The following ITPR3 variants were observed in gnomAD, a reference collection of about 807,000 sequenced individuals.
ITPR3 encodes the protein inositol 1,4,5-trisphosphate-gated calcium channel ITPR3.
In ITPR3, 173 loss-of-function variants were observed where a neutral mutation model predicts 293.2. That is an observed-to-expected ratio of 0.59 (90% CI 0.52 to 0.67). The LOEUF (loss-of-function observed/expected upper bound fraction) is 0.67. Ranked by LOEUF, ITPR3 falls within the 30% of genes least tolerant of loss-of-function variation. ITPR3 has a pLI of 0.00. For synonymous variants in ITPR3, 1,295 were observed against 1,444.4 expected, an observed-to-expected ratio of 0.90 and a Z score of 2.35; for missense variants, 2,796 against 3,592.1, an observed-to-expected ratio of 0.78 and a Z score of 5.66.
chr6:33,636,227 T>C (rs1219572418), intron 1 of ITPR3, among the ~76,000 whole-genome samples: 4 of 151,114 alleles, frequency 2.6e-5, no homozygotes, highest in Admixed American at 1.3e-4. Context: ...GCTTGAACCT[T>C]GGAGGCAGAG....
chr6:33,650,965 G>T (rs1457627291), intron 2 of ITPR3, among the ~76,000 whole-genome samples: 2 of 152,042 alleles, frequency 1.3e-5, no homozygotes, highest in Non-Finnish European at 2.9e-5. Context: ...GCATATACTG[G>T]TTATTGCATT....
chr6:33,684,526 G>A lies in ITPR3; in HGVS notation c.5046+61G>A. The A allele has an allele frequency of 6.2e-7, 1 of 1,605,994 alleles. No homozygotes were observed. Among genetic ancestry groups the A allele is most frequent in the Non-Finnish European group, 8.5e-7 (1 of 1,172,730 alleles). Reference sequence around the variant, plus strand: ...AGTCAGGAGTACCCAGGGGCTCAGGGTCAAGCCCGTCAGGCCAGTGGTCAG... The same window carrying A: ...AGTCAGGAGTACCCAGGGGCTCAGGATCAAGCCCGTCAGGCCAGTGGTCAG... On this transcript the variant is annotated intron_variant, in intron 37 of 57. Coordinates refer to ENST00000605930, the MANE Select transcript of ITPR3 (RefSeq NM_002224.4). The surrounding 1 kb of genome is among the most constrained non-coding windows in gnomAD (Gnocchi z 4.2).
intron 1 of ITPR3, among the ~76,000 whole-genome samples, chr6:33,636,904 CAG>C (rs767836160): frequency 6.6e-6 from 1 of 152,112 alleles, no homozygotes; most frequent in African/African-American, 2.4e-5. Flanking sequence ...GAAAAGGAGA[CAG>C]AGGACCCTCT....
In ITPR3 at chr6:33,679,098, A is replaced by G. The variant is rs1764996468; in HGVS notation, c.3972+259A>G. ...AACTCAGACAACAGGCCAGAAAGAA[A>G]TCAAGCATGCATTCCTTGTCACTTG... On this transcript the variant is annotated intron_variant, in intron 30 of 57. Transcript: ENST00000605930. The surrounding 1 kb of genome is among the most constrained non-coding windows in gnomAD (Gnocchi z 4.2). Among the ~76,000 whole-genome samples the G allele has an allele frequency of 6.6e-6, 1 of 152,220 alleles. No individual in the cohort carries two copies. The highest frequency in any genetic ancestry group is 1.5e-5 in the Non-Finnish European group (1 of 68,042).
rs760552656 is a variant in ITPR3, at chr6:33,662,905, C to T, written c.859-6C>T. 2.5e-6 allele frequency: 4 copies of T among 1,584,404 alleles called. No individual in the cohort carries two copies. The South Asian group carries it at 3.4e-5, about 14-fold the overall frequency. ...TCCTTCCTGCCTCACACCTGTGTGC[C>T]CCTAGGTGGTCCACCACGACCCCTG... On this transcript the variant is annotated splice_polypyrimidine_tract_variant and splice_region_variant and intron_variant, in intron 8 of 57. Coordinates refer to ENST00000605930, the MANE Select transcript of ITPR3 (RefSeq NM_002224.4).
rs1764995378 is a variant in ITPR3, at chr6:33,679,029, G to C, written c.3972+190G>C. 6.6e-6 allele frequency among the ~76,000 whole-genome samples: 1 copy of C among 152,346 alleles called. No individual in the cohort carries two copies. The highest frequency in any genetic ancestry group is 2.4e-5 in the African/African-American group (1 of 41,580). ...GTGGTAGAACTCAGCCTGTGGGCCT[G>C]ATAGAACTCAAGCAGGGTCCCAGTA... On this transcript the variant is annotated intron_variant, in intron 30 of 57. Transcript: ENST00000605930. The surrounding 1 kb of genome is among the most constrained non-coding windows in gnomAD (Gnocchi z 4.2).
chr6:33,668,499 G>A lies in ITPR3; in HGVS notation c.1887-16G>A, dbSNP rs1019355433. ...CTCTGAGACCCTCTTCCCACCGCTG[G>A]CTGTCACCACCCCAGGTTCCTGGAC... is the stretch of plus-strand genomic sequence containing the variant. On this transcript the variant is annotated splice_polypyrimidine_tract_variant and intron_variant, in intron 16 of 57. Coordinates refer to ENST00000605930, the MANE Select transcript of ITPR3 (RefSeq NM_002224.4). 1 of 1,614,084 alleles carries A rather than the reference G, an allele frequency of 6.2e-7. No individual in the cohort carries two copies. The highest frequency in any genetic ancestry group is 8.5e-7 in the Non-Finnish European group (1 of 1,179,976).
chr6:33,663,255 CCCGT>C (rs1764521528), intron 9 of ITPR3, among the ~76,000 whole-genome samples: 1 of 150,064 alleles, frequency 6.7e-6, no homozygotes, highest in African/African-American at 2.5e-5. Context: ...AGCAAAATTT[CCCGT>C]CTGTCTGTAA....
intron 49 of ITPR3, 145 bp downstream of exon 49, chr6:33,688,926 C>G: frequency 8.7e-7 from 1 of 1,149,726 alleles, no homozygotes. Context: ...CCTGTGGGCT[C>G]TCGCCCCATC....
chr6:33,695,553 C>G (rs149064207), intron 57 of ITPR3, 159 bp from the exon 58 acceptor site: 1 of 676,078 alleles, frequency 1.5e-6, no homozygotes, highest in African/African-American at 1.8e-5. Context: ...GTGCTGACAT[C>G]GACATCCTTA....
At chr6:33,669,988 C>T (rs1764713076) in intron 18 of ITPR3, among the ~76,000 whole-genome samples, 2 of 152,042 alleles carry the variant, frequency 1.3e-5, no homozygotes, top group South Asian at 4.1e-4. Context: ...ACCTCCCCCT[C>T]CTCCCTCTCC....
In ITPR3 at chr6:33,684,145, C is replaced by A. The variant is rs150256313; in HGVS notation, c.4914C>A (p.Cys1638Ter). 2.1e-5 allele frequency: 34 copies of A among 1,610,680 alleles called. No individual in the cohort carries two copies. Among genetic ancestry groups the A allele is most frequent in the Non-Finnish European group, 2.8e-5 (33 of 1,179,796 alleles). Reference sequence around the variant, plus strand: ...AGGGCAGTGAGGCCTACCAGCGCTGCGAGAGTGGGGGCTTCCTGTCCAAGT... The same window carrying A: ...AGGGCAGTGAGGCCTACCAGCGCTGAGAGAGTGGGGGCTTCCTGTCCAAGT... ...FLEGSEAYQR[C>*]ESGGFLSKLI... The change falls in exon 36 of 58, where the codon TGC becomes TGA. Residue 1638 changes from cysteine (C) to a stop codon, truncating the protein, a stop_gained. Transcript: ENST00000605930. LOFTEE classifies it high-confidence loss of function. This position sits in a 1 kb window ranked among gnomAD's most constrained non-coding sequence, Gnocchi z 4.2.
At position 33,692,682 on chromosome 6, in the gene ITPR3, A is replaced by G; in HGVS notation, c.7459-46A>G. 6.3e-7 allele frequency: 1 copy of G among 1,595,070 alleles called. No individual in the cohort carries two copies. The highest frequency in any genetic ancestry group is 1.1e-5 in the South Asian group (1 of 89,568). The stretch of plus-strand genomic sequence containing the variant: ...ACCTGAGTCCTATCTTGCCCCAGTG[A>G]ATGTGGGGACCACCGGGCCCAGCCT... On this transcript the variant is annotated intron_variant, in intron 54 of 57. Coordinates refer to ENST00000605930, the MANE Select transcript of ITPR3 (RefSeq NM_002224.4). This position sits in a 1 kb window ranked among gnomAD's most constrained non-coding sequence, Gnocchi z 4.2.
In ITPR3 at chr6:33,670,682, A is replaced by G. The variant is rs139257621; in HGVS notation, c.2453A>G (p.Asn818Ser). ...TAITIKDYDS[N>S]LNASRDDKKN... ...GCCTCCACCCTCAGCTATGATTCCA[A>G]CCTCAACGCGTCCCGAGATGACAAG... is the stretch of plus-strand genomic sequence containing the variant. The change falls in exon 20 of 58, where the codon AAC becomes AGC. Residue 818 changes from asparagine (N) to serine (S), a missense_variant. By Grantham distance (46) the Asn-to-Ser change is conservative (BLOSUM62 1). Coordinates refer to ENST00000605930, the MANE Select transcript of ITPR3 (RefSeq NM_002224.4). This position sits in a 1 kb window ranked among gnomAD's most constrained non-coding sequence, Gnocchi z 6.7. 6.2e-7 allele frequency: 1 copy of G among 1,613,870 alleles called. No individual in the cohort carries two copies. The highest frequency in any genetic ancestry group is 1.3e-5 in the African/African-American group (1 of 74,924).
rs1764759452 is a variant in ITPR3 at position 33,671,304 on chromosome 6, G to T, written c.2726G>T (p.Gly909Val). Residue 909 changes from glycine to valine, a missense_variant and splice_region_variant, in exon 21 of 58, where the codon GGT becomes GTT. Coordinates refer to ENST00000605930, the MANE Select transcript of ITPR3 (RefSeq NM_002224.4). ...PAMLQAYEDP[G>V]GKNVRRSIQG... ...ATGCTGCAGGCCTATGAGGACCCCG[G>T]TGGTGAGGCCTTTGCCCGGCTCGGG... is the stretch of plus-strand genomic sequence containing the variant. 6.2e-7 allele frequency: 1 copy of T among 1,611,140 alleles called. No individual in the cohort carries two copies. The highest frequency in any genetic ancestry group is 1.3e-5 in the African/African-American group (1 of 74,898).
intron 57 of ITPR3, chr6:33,695,451 G>A: frequency 1.7e-6 from 1 of 573,740 alleles, no homozygotes. Flanking sequence ...GGCAGTGCCT[G>A]CATGAAGATG....
rs1192491934 is a variant in ITPR3 at position 33,683,869 on chromosome 6, C to T, written c.4789-151C>T. On this transcript the variant is annotated intron_variant, in intron 35 of 57. Transcript: ENST00000605930. This position sits in a 1 kb window ranked among gnomAD's most constrained non-coding sequence, Gnocchi z 4.5. Reference sequence around the variant, plus strand: ...GCCAGGGCTCTGAGCAGACAGACATCACGCTGTGTTCAGGGTGTCTCTGTG... The same window carrying T: ...GCCAGGGCTCTGAGCAGACAGACATTACGCTGTGTTCAGGGTGTCTCTGTG... 1.2e-6 allele frequency: 1 copy of T among 822,544 alleles called. No individual in the cohort carries two copies. Among genetic ancestry groups the T allele is most frequent in the Non-Finnish European group, 1.9e-6 (1 of 540,096 alleles). 51.0% of individuals were successfully genotyped at this position (822,544 alleles called of 1,614,324 possible).
In ITPR3 at chr6:33,632,030, A is replaced by AT. The variant is rs1194800638; in HGVS notation, c.90-8446dup. Reference sequence around the variant, plus strand: ...TTTGTATTATGACTATTCTTATTCTATTTTTTTTATTATACTGAAACAGTT... The same window carrying AT: ...TTTGTATTATGACTATTCTTATTCTATTTTTTTTTATTATACTGAAACAGTT... On this transcript the variant is annotated intron_variant, in intron 1 of 57. Transcript: ENST00000605930. The surrounding 1 kb of genome is among the most constrained non-coding windows in gnomAD (Gnocchi z 4.1). Among the ~76,000 whole-genome samples, 5 of 151,990 alleles carry AT rather than the reference A, an allele frequency of 3.3e-5. No homozygotes were observed. The highest frequency in any genetic ancestry group is 7.3e-5 in the African/African-American group (3 of 41,362).
rs549495357 is a variant in ITPR3, at chr6:33,670,608, A to G, written c.2441+32A>G. The G allele has an allele frequency of 4.8e-6, 4 of 828,780 alleles. No individual in the cohort carries two copies. In the South Asian group the frequency reaches 5.2e-5, roughly 11 times the overall value. The allele number at this position is 828,780 out of a possible 1,614,324, so 51.3% of individuals were successfully genotyped here. ...GGGGTGGAGGCAGGGTGGGCGGGGC[A>G]GGGGCAGAGGCTGGAGTGGGTGTAT... On this transcript the variant is annotated intron_variant, in intron 19 of 57. Transcript: ENST00000605930. This position sits in a 1 kb window ranked among gnomAD's most constrained non-coding sequence, Gnocchi z 6.7.
Sources: allele counts gnomAD v4.1 joint callset (sites outside exome capture counted in the v4.1 genomes callset), GRCh38; gene constraint gnomAD v4.1.1; non-coding constraint Gnocchi (gnomAD v3.1); transcripts MANE v1.5; gene names NCBI Gene and HGNC (gene_info 2026-07-23, HGNC 2026-07-21).